The following RIMS2 variants were observed in gnomAD, a reference collection of about 807,000 sequenced individuals.
The protein encoded by RIMS2 is regulating synaptic membrane exocytosis 2.
Under a neutral mutation model 174.4 loss-of-function variants are expected in RIMS2, and 59 were observed. The ratio of observed to expected loss-of-function variants is 0.34; its 90% CI spans 0.27 to 0.42. RIMS2 has a LOEUF of 0.42. Ranked by LOEUF, RIMS2 falls within the 10% of genes least tolerant of loss-of-function variation. The probability of loss-of-function intolerance (pLI) is 1.00; values close to 1 mark genes in which losing one functional copy is unlikely to be tolerated. For synonymous variants in RIMS2, 606 were observed against 572.5 expected (o/e 1.06, Z -0.84); for missense variants, 1,620 against 1,666.3 (o/e 0.97, Z 0.48).
intron 15 of RIMS2, among the ~76,000 whole-genome samples, chr8:103,973,607 G>A (rs2093131964): frequency 2.6e-5 from 4 of 152,042 alleles, no homozygotes; most frequent in Admixed American, 2.0e-4. Flanking sequence ...GAACTCAAGG[G>A]GACTATCCAC....
intron 19 of RIMS2, among the ~76,000 whole-genome samples, chr8:104,173,448 T>G (rs2098843639): frequency 2.0e-5 from 3 of 152,042 alleles, no homozygotes; most frequent in Admixed American, 2.0e-4. Flanking sequence ...ACTCTATTAT[T>G]TATTTTAATG....
chr8:104,040,438 A>C (rs1304395832), intron 19 of RIMS2, among the ~76,000 whole-genome samples: 1 of 151,670 alleles, frequency 6.6e-6, no homozygotes, highest in Admixed American at 6.6e-5. Flanking sequence ...TTCTGTTTCC[A>C]AGTCACTGTA....
chr8:103,625,626 G>C (rs576231387), intron 1 of RIMS2, among the ~76,000 whole-genome samples: 22 of 152,080 alleles, frequency 1.4e-4, no homozygotes, highest in Non-Finnish European at 2.5e-4. Context: ...AGCTTGAATA[G>C]TTTGAATGAC....
rs1437326655 is a variant in RIMS2 at position 103,886,238 on chromosome 8, C to A, written c.1624+15C>A. 5 of 1,586,142 alleles carry A rather than the reference C, an allele frequency of 3.2e-6. No homozygotes were observed. The African/African-American group carries it at 4.1e-5, about 13-fold the overall frequency. ...AAGTGAAAAAGGTAAGCTTTCTAAT[C>A]ATACATTTTGCTGTAATTGATTAGA... On this transcript the variant is annotated intron_variant, in intron 4 of 23. Transcript: ENST00000504942.
intron 19 of RIMS2, among the ~76,000 whole-genome samples, chr8:104,064,807 A>G (rs1419446664): frequency 6.6e-6 from 1 of 151,992 alleles, no homozygotes; most frequent in Non-Finnish European, 1.5e-5. Context: ...GTATTTGTCA[A>G]AGAAATTGGG....
At chr8:103,623,589 A>G (rs2095694311) in intron 1 of RIMS2, among the ~76,000 whole-genome samples, 1 of 135,020 alleles carries the variant, frequency 7.4e-6, no homozygotes, top group African/African-American at 2.8e-5. Context: ...GGTTCACGCC[A>G]TTCTCCTGCC....
chr8:103,838,252 C>T (rs148229556), intron 3 of RIMS2, among the ~76,000 whole-genome samples: 1 of 152,128 alleles, frequency 6.6e-6, no homozygotes, highest in East Asian at 1.9e-4. Flanking sequence ...GATCTTGTTC[C>T]CTCCATTTTC....
At chr8:103,708,510 G>T (rs953575587) in intron 2 of RIMS2, among the ~76,000 whole-genome samples, 2 of 152,096 alleles carry the variant, frequency 1.3e-5, no homozygotes, top group Non-Finnish European at 2.9e-5. Flanking sequence ...TTTCATGAAG[G>T]TGCCTTTTTG....
At chr8:104,210,794 A>C (rs2099101900) in intron 19 of RIMS2, among the ~76,000 whole-genome samples, 1 of 152,212 alleles carries the variant, frequency 6.6e-6, no homozygotes, top group South Asian at 2.1e-4. Context: ...TGACCTGTCA[A>C]GAACAGTGCT....
At chr8:103,921,389 A>C (rs2077624449) in intron 9 of RIMS2, among the ~76,000 whole-genome samples, 2 of 152,172 alleles carry the variant, frequency 1.3e-5, no homozygotes, top group African/African-American at 4.8e-5. Context: ...TGAATATAGT[A>C]CACTTAACAG....
intron 1 of RIMS2, among the ~76,000 whole-genome samples, chr8:103,544,102 C>G (rs1843783910): frequency 6.6e-6 from 1 of 152,052 alleles, no homozygotes; most frequent in Admixed American, 6.5e-5. Flanking sequence ...ATTAGGAAGT[C>G]AAACAACTCA....
rs1427141470 is a variant in RIMS2, at chr8:103,992,289, T to G, written c.3044+2868T>G. The stretch of plus-strand genomic sequence containing the variant: ...ATGTCCAGCTATTTTTTTTTTTTTT[T>G]TTTTTTTTGTATTTTTAGTGGAAAC... On this transcript the variant is annotated intron_variant, in intron 17 of 23. Transcript: ENST00000504942. Among the ~76,000 whole-genome samples the G allele has an allele frequency of 8.0e-5, 12 of 149,294 alleles. 1 individual carries two copies. Among genetic ancestry groups the G allele is most frequent in the Non-Finnish European group, 1.6e-4 (11 of 67,160 alleles).
intron 1 of RIMS2, among the ~76,000 whole-genome samples, chr8:103,579,399 G>A (rs1184843629): frequency 6.6e-6 from 1 of 152,046 alleles, no homozygotes; most frequent in Non-Finnish European, 1.5e-5. Flanking sequence ...ATAAAATTAA[G>A]TACAAGGACA....
At chr8:103,863,793 G>T (rs1050102107) in intron 3 of RIMS2, among the ~76,000 whole-genome samples, 1 of 150,354 alleles carries the variant, frequency 6.7e-6, no homozygotes, top group African/African-American at 2.4e-5. Context: ...CACCTTTATT[G>T]TTTCTGATTG....
intron 19 of RIMS2, among the ~76,000 whole-genome samples, chr8:104,144,676 A>T (rs929042960): frequency 2.0e-5 from 3 of 152,092 alleles, no homozygotes; most frequent in African/African-American, 4.8e-5. Flanking sequence ...GGCTACATAC[A>T]TTTATATTTT....
At chr8:103,590,871 A>G (rs1163319050) in intron 1 of RIMS2, among the ~76,000 whole-genome samples, 2 of 151,160 alleles carry the variant, frequency 1.3e-5, no homozygotes, top group African/African-American at 4.8e-5. Flanking sequence ...GTGTTTTTGT[A>G]GACATATGTT....
intron 11 of RIMS2, among the ~76,000 whole-genome samples, chr8:103,928,686 T>C (rs923279553): frequency 2.0e-5 from 3 of 151,252 alleles, no homozygotes; most frequent in African/African-American, 7.3e-5. Flanking sequence ...GTTAATATTA[T>C]ACAATATAAA....
At chr8:103,996,273 G>T (rs115202944) in intron 17 of RIMS2, among the ~76,000 whole-genome samples, 34 of 151,428 alleles carry the variant, frequency 2.2e-4, no homozygotes, top group African/African-American at 7.5e-4. Flanking sequence ...ATCAAATTTT[G>T]TTTGGAAAAA....
intron 1 of RIMS2, among the ~76,000 whole-genome samples, chr8:103,529,584 C>T (rs952905998): frequency 3.3e-5 from 5 of 152,218 alleles, no homozygotes; most frequent in African/African-American, 9.6e-5. Context: ...CCGGGTGAGG[C>T]GATGTCTTGC....
Sources: allele counts gnomAD v4.1 joint callset (sites outside exome capture counted in the v4.1 genomes callset), GRCh38; gene constraint gnomAD v4.1.1; transcripts MANE v1.5; gene names NCBI Gene and HGNC (gene_info 2026-07-23, HGNC 2026-07-21).